Variants in LRRIQ3 observed in about 807,000 individuals in gnomAD.
LRRIQ3 encodes the protein leucine-rich repeat and IQ domain-containing protein 3.
Under a neutral mutation model 59.3 loss-of-function variants are expected in LRRIQ3, and 75 were observed. The observed-to-expected ratio is 1.26, with a 90% confidence interval of 1.05 to 1.53. LRRIQ3 has a LOEUF of 1.53. Among genes scored for constraint, LRRIQ3 ranks in the 40% most tolerant of loss-of-function variants. The probability of loss-of-function intolerance (pLI) is 0.00; values close to 1 mark genes in which losing one functional copy is unlikely to be tolerated. For synonymous variants in LRRIQ3, 250 were observed against 231.3 expected (o/e 1.08, Z -0.73); for missense variants, 831 against 710.0 (o/e 1.17, Z -1.94).
At chr1:74,128,102 A>G (rs1183828108) in intron 4 of LRRIQ3, among the ~76,000 whole-genome samples, 1 of 151,940 alleles carries the variant, frequency 6.6e-6, no homozygotes, top group African/African-American at 2.4e-5. Context: ...TTGGAGCTCC[A>G]TGTATGTGAA....
At chr1:74,176,214 A>G (rs987137484) in intron 3 of LRRIQ3, among the ~76,000 whole-genome samples, 1 of 152,058 alleles carries the variant, frequency 6.6e-6, no homozygotes, top group Non-Finnish European at 1.5e-5. Context: ...TTCATTCCTG[A>G]GGAATATTTT....
chr1:74,130,510 G>A (rs111787003), intron 4 of LRRIQ3, among the ~76,000 whole-genome samples: 73 of 152,212 alleles, frequency 4.8e-4, no homozygotes, highest in African/African-American at 1.7e-3. Context: ...GGCAATTAAG[G>A]ACTGGCTTTC....
intron 5 of LRRIQ3, among the ~76,000 whole-genome samples, chr1:74,105,428 T>A (rs1455684400): frequency 1.3e-5 from 2 of 151,918 alleles, no homozygotes; most frequent in East Asian, 3.9e-4. Context: ...ATTTTTGTAT[T>A]TTTAGTAGAG....
At position 74,134,236 on chromosome 1, in the gene LRRIQ3, A is replaced by G. The variant is rs1647079860; in HGVS notation, c.707+21497T>C. ...TTAAGACTAGAAATTCACTAAAGGC[A>G]TATAACCAAATGAAAAGTCTTTATT... On this transcript the variant is annotated intron_variant, in intron 4 of 7. Transcript: ENST00000354431. Among the ~76,000 whole-genome samples the G allele has an allele frequency of 2.6e-5, 4 of 152,104 alleles. No homozygotes were observed. In the South Asian group the frequency reaches 8.3e-4, roughly 31 times the overall value.
intron 5 of LRRIQ3, among the ~76,000 whole-genome samples, chr1:74,081,693 G>A (rs894095766): frequency 1.1e-4 from 17 of 150,804 alleles, no homozygotes; most frequent in Admixed American, 2.7e-4. Flanking sequence ...TTTTGTTTAC[G>A]TTTCAATACA....
intron 4 of LRRIQ3, among the ~76,000 whole-genome samples, chr1:74,132,957 T>A (rs1430549796): frequency 6.6e-6 from 1 of 152,094 alleles, no homozygotes; most frequent in Non-Finnish European, 1.5e-5. Flanking sequence ...AATTTTGCAA[T>A]CTACTCATCT....
intron 5 of LRRIQ3, among the ~76,000 whole-genome samples, chr1:74,086,661 CAA>C (rs1266419904): frequency 5.9e-5 from 9 of 152,116 alleles, no homozygotes; most frequent in Non-Finnish European, 1.2e-4. Flanking sequence ...TAAAAGTTAT[CAA>C]AAGATTGAGC....
chr1:74,141,502 T>G (rs571911658), intron 4 of LRRIQ3, among the ~76,000 whole-genome samples: 1 of 151,984 alleles, frequency 6.6e-6, no homozygotes, highest in East Asian at 1.9e-4. Context: ...ACAGATATAT[T>G]GTTTGAATTG....
intron 6 of LRRIQ3, among the ~76,000 whole-genome samples, chr1:74,060,303 CTCT>C (rs1343805479): frequency 4.0e-4 from 58 of 143,270 alleles, no homozygotes; most frequent in African/African-American, 1.0e-3. Flanking sequence ...CCTCCTCTTC[CTCT>C]TCTTCTTCCT....
At chr1:74,103,019 C>T (rs1196592002) in intron 5 of LRRIQ3, among the ~76,000 whole-genome samples, 1 of 151,928 alleles carries the variant, frequency 6.6e-6, no homozygotes, top group African/African-American at 2.4e-5. Context: ...CCTCTGGTAG[C>T]TCTAGTATCT....
At chr1:74,189,191 T>C (rs1258965404) in intron 1 of LRRIQ3, among the ~76,000 whole-genome samples, 1 of 152,122 alleles carries the variant, frequency 6.6e-6, no homozygotes, top group Non-Finnish European at 1.5e-5. Flanking sequence ...CTCCATGTCA[T>C]CTATCCATGT....
intron 4 of LRRIQ3, among the ~76,000 whole-genome samples, chr1:74,126,367 C>A (rs1372988630): frequency 6.6e-6 from 1 of 151,656 alleles, no homozygotes; most frequent in East Asian, 1.9e-4. Flanking sequence ...CTGCTCTGAT[C>A]TTTATTACGA....
At position 74,135,480 on chromosome 1, in the gene LRRIQ3, T is replaced by C. The variant is rs547083032; in HGVS notation, c.707+20253A>G. Among the ~76,000 whole-genome samples the C allele has an allele frequency of 3.3e-5, 5 of 152,096 alleles. No individual in the cohort carries two copies. The East Asian group carries it at 9.7e-4, about 29-fold the overall frequency. On this transcript the variant is annotated intron_variant, in intron 4 of 7. Coordinates refer to ENST00000354431, the MANE Select transcript of LRRIQ3 (RefSeq NM_001105659.2). ...CAATCACATGAAACATTCTCCAGGA[T>C]ATATCTCATAACAAGGCTATAAATA...
chr1:74,075,751 C>T (rs754652530), intron 5 of LRRIQ3, among the ~76,000 whole-genome samples: 6 of 152,018 alleles, frequency 3.9e-5, no homozygotes, highest in African/African-American at 7.2e-5. Flanking sequence ...AGGACTGTTA[C>T]GGAGCTTTCA....
At chr1:74,064,792 GTTA>G (rs1351429210) in intron 6 of LRRIQ3, among the ~76,000 whole-genome samples, 5 of 152,100 alleles carry the variant, frequency 3.3e-5, no homozygotes, top group Non-Finnish European at 7.4e-5. Flanking sequence ...TGAGCAGTAA[GTTA>G]TTATTCTCAT....
intron 6 of LRRIQ3, among the ~76,000 whole-genome samples, chr1:74,062,273 T>C (rs148092823): frequency 0.011 from 1,716 of 152,002 alleles, 37 homozygotes; most frequent in African/African-American, 0.04. Flanking sequence ...CAAAAGAAGA[T>C]ATATATATGA....
At chr1:74,105,019 A>T (rs1646589206) in intron 5 of LRRIQ3, among the ~76,000 whole-genome samples, 1 of 152,180 alleles carries the variant, frequency 6.6e-6, no homozygotes, top group African/African-American at 2.4e-5. Flanking sequence ...TATAAAACAG[A>T]GGTACCTGAA....
At chr1:74,073,479 C>A (rs1222145356) in intron 6 of LRRIQ3, among the ~76,000 whole-genome samples, 6 of 151,880 alleles carry the variant, frequency 4.0e-5, no homozygotes, top group Non-Finnish European at 7.4e-5. Context: ...CCACTGCACT[C>A]AAACTTAGGT....
intron 5 of LRRIQ3, chr1:74,083,214 C>T (rs191404693): frequency 6.6e-6 from 1 of 151,832 alleles, no homozygotes. Flanking sequence ...TCTACAGCCT[C>T]AGTACAAATC....
Sources: gnomAD v4.1 joint callset for allele counts (sites outside exome capture counted in the v4.1 genomes callset) on GRCh38, gnomAD v4.1.1 for gene constraint, MANE v1.5 for transcripts, NCBI Gene and HGNC (gene_info 2026-07-23, HGNC 2026-07-21) for gene names.